LRRC4C: variants seen among roughly 807,000 people sequenced by gnomAD.
LRRC4C encodes the protein leucine rich repeat containing 4C.
LRRC4C carries 5 observed loss-of-function variants against 33.6 expected under a neutral mutation model. The observed-to-expected ratio is 0.15, with a 90% CI of 0.08 to 0.31. The LOEUF is 0.31. Ranked by LOEUF, LRRC4C falls within the 10% of genes least tolerant of loss-of-function variation. The pLI is 1.00. For synonymous variants in LRRC4C, 329 were observed against 302.0 expected (o/e 1.09, Z -0.93); for missense variants, 560 against 796.7 (o/e 0.70, Z 3.58).
At chr11:40,766,590 A>G (rs945509277) in intron 2 of LRRC4C, among the ~76,000 whole-genome samples, 9 of 151,992 alleles carry the variant, frequency 5.9e-5, no homozygotes, top group African/African-American at 2.2e-4. Flanking sequence ...CATAGAAACA[A>G]TAAAAACTTG....
At chr11:40,818,248 T>G (rs562892606) in intron 2 of LRRC4C, among the ~76,000 whole-genome samples, 1 of 152,240 alleles carries the variant, frequency 6.6e-6, no homozygotes, top group Admixed American at 6.6e-5. Context: ...AAATCATTCT[T>G]GTGACACAAA....
chr11:40,637,905 C>G (rs11035981), intron 3 of LRRC4C, among the ~76,000 whole-genome samples: 502 of 152,338 alleles, frequency 3.3e-3, no homozygotes, highest in Middle Eastern at 6.8e-3. Flanking sequence ...AATTCTAGGA[C>G]TGGCTAATCT....
chr11:40,731,591 G>A (rs987378097), intron 2 of LRRC4C, among the ~76,000 whole-genome samples: 11 of 152,144 alleles, frequency 7.2e-5, no homozygotes, highest in Non-Finnish European at 1.3e-4. Flanking sequence ...CTCCCATTAC[G>A]ACATTATTCT....
rs554409255 is a variant in LRRC4C, at chr11:41,431,893, T to C, written c.-496+27538A>G. Among the ~76,000 whole-genome samples the C allele has an allele frequency of 7.2e-4, 110 of 152,264 alleles. 1 individual carries two copies. The highest frequency in any genetic ancestry group is 2.5e-3 in the African/African-American group (103 of 41,558). ...CACCTTAGGTTTTTGTGGTGGGCCA[T>C]GCGCTCTGATTTTGTCCAGCATGTA... On this transcript the variant is annotated intron_variant, in intron 1 of 6. Transcript: ENST00000528697.
chr11:40,222,846 AG>A (rs942118395), intron 5 of LRRC4C, among the ~76,000 whole-genome samples: 2 of 143,964 alleles, frequency 1.4e-5, no homozygotes, highest in African/African-American at 2.5e-5. Context: ...TGTTTTTAGG[AG>A]GTAATAATAC....
intron 3 of LRRC4C, among the ~76,000 whole-genome samples, chr11:40,530,200 AAC>A (rs1188380643): frequency 6.6e-6 from 1 of 152,076 alleles, no homozygotes; most frequent in Non-Finnish European, 1.5e-5. Flanking sequence ...ACTTCGCTAG[AAC>A]TCTAAAATTA....
At chr11:40,698,441 T>C (rs1302916682) in intron 2 of LRRC4C, among the ~76,000 whole-genome samples, 2 of 151,754 alleles carry the variant, frequency 1.3e-5, no homozygotes, top group Non-Finnish European at 2.9e-5. Flanking sequence ...ACAGAGTCAA[T>C]AAGAGCATTT....
intron 1 of LRRC4C, among the ~76,000 whole-genome samples, chr11:40,988,553 G>C (rs1281706184): frequency 1.3e-5 from 2 of 152,006 alleles, no homozygotes; most frequent in African/African-American, 2.4e-5. Flanking sequence ...ACTACGCTGA[G>C]CCTATGCACA....
intron 2 of LRRC4C, among the ~76,000 whole-genome samples, chr11:40,858,046 G>A (rs1418554208): frequency 6.7e-6 from 1 of 148,732 alleles, no homozygotes; most frequent in Middle Eastern, 3.4e-3. Flanking sequence ...GGGAAGGGAA[G>A]GGAAGGGAAA....
intron 2 of LRRC4C, among the ~76,000 whole-genome samples, chr11:40,795,198 A>G (rs1057341645): frequency 6.6e-6 from 1 of 152,166 alleles, no homozygotes; most frequent in Non-Finnish European, 1.5e-5. Flanking sequence ...CAGACATAGA[A>G]TCTTTACTTC....
chr11:40,119,402 T>C (rs1057398726), intron 6 of LRRC4C, among the ~76,000 whole-genome samples: 2 of 152,158 alleles, frequency 1.3e-5, no homozygotes, highest in Admixed American at 1.3e-4. Context: ...ACTTGATTCC[T>C]TCCTTGGAGC....
At chr11:40,227,334 G>A (rs1455800327) in intron 5 of LRRC4C, among the ~76,000 whole-genome samples, 1 of 152,166 alleles carries the variant, frequency 6.6e-6, no homozygotes, top group Non-Finnish European at 1.5e-5. Flanking sequence ...AGTAGGTGAT[G>A]CTCCTTTGAA....
At chr11:40,634,512 C>T (rs1963780192) in intron 3 of LRRC4C, among the ~76,000 whole-genome samples, 1 of 152,066 alleles carries the variant, frequency 6.6e-6, no homozygotes, top group African/African-American at 2.4e-5. Context: ...CAGTAAAATG[C>T]TACTTTTTGG....
intron 3 of LRRC4C, among the ~76,000 whole-genome samples, chr11:40,346,546 T>C (rs1488405715): frequency 2.6e-5 from 4 of 152,078 alleles, no homozygotes; most frequent in Non-Finnish European, 5.9e-5. Flanking sequence ...CCGAGGCCTA[T>C]CAGAGGCTGG....
intron 3 of LRRC4C, among the ~76,000 whole-genome samples, chr11:40,322,639 A>T (rs901815412): frequency 1.3e-4 from 20 of 152,168 alleles, no homozygotes; most frequent in African/African-American, 4.6e-4. Context: ...GGAGTCAGAC[A>T]ATCTAAGGTC....
intron 1 of LRRC4C, among the ~76,000 whole-genome samples, chr11:40,986,028 A>G (rs1265769021): frequency 1.3e-5 from 2 of 152,172 alleles, no homozygotes; most frequent in African/African-American, 4.8e-5. Context: ...GACCAACTAT[A>G]AAACAAATTA....
intron 2 of LRRC4C, among the ~76,000 whole-genome samples, chr11:40,699,206 T>C (rs1288859521): frequency 6.6e-6 from 1 of 152,224 alleles, no homozygotes; most frequent in Non-Finnish European, 1.5e-5. Flanking sequence ...TTAAAAATTA[T>C]AAGGAATATG....
chr11:40,444,101 G>A (rs1951517579), intron 3 of LRRC4C, among the ~76,000 whole-genome samples: 1 of 152,110 alleles, frequency 6.6e-6, no homozygotes, highest in Admixed American at 6.6e-5. Context: ...TTTATTGAGT[G>A]TGCCGTGCAG....
rs542758353 is a variant in LRRC4C at position 40,738,945 on chromosome 11, C to T, written c.-406-90667G>A. ...GGGTACAATGTGATGTTTTGATATA[C>T]GCTGTGAAATGATTAACGTAATCAA... On this transcript the variant is annotated intron_variant, in intron 2 of 6. Coordinates refer to ENST00000528697, the MANE Select transcript of LRRC4C (RefSeq NM_001258419.2). Among the ~76,000 whole-genome samples, 9 of 151,924 alleles carry T rather than the reference C, an allele frequency of 5.9e-5. No individual in the cohort carries two copies. In the South Asian group the frequency reaches 6.2e-4, roughly 11 times the overall value.
Sources: gnomAD v4.1 joint callset for allele counts (sites outside exome capture counted in the v4.1 genomes callset) on GRCh38, gnomAD v4.1.1 for gene constraint, MANE v1.5 for transcripts, NCBI Gene and HGNC (gene_info 2026-07-23, HGNC 2026-07-21) for gene names.